SLC36A1: variants seen among roughly 807,000 people sequenced by gnomAD.
SLC36A1 encodes proton-coupled amino acid transporter 1.
In SLC36A1, 30 loss-of-function variants were observed where a neutral mutation model predicts 47.5. That is an observed-to-expected ratio of 0.63 (90% CI 0.47 to 0.86). The LOEUF (loss-of-function observed/expected upper bound fraction) is 0.86. SLC36A1 is among the 40% of genes least tolerant of loss of function. The pLI, the probability that SLC36A1 is intolerant of heterozygous loss-of-function variation, is 0.00. For missense variants in SLC36A1, 517 were observed against 606.0 expected (o/e 0.85, Z 1.54); for synonymous variants, 255 against 249.7 (o/e 1.02, Z -0.20).
intron 1 of SLC36A1, among the ~76,000 whole-genome samples, chr5:151,458,557 C>T (rs17112008): frequency 6.6e-6 from 1 of 151,748 alleles, no homozygotes; most frequent in Non-Finnish European, 1.5e-5. Flanking sequence ...TGTAGCACCA[C>T]GTATACCAAT....
At chr5:151,544,975 ACC>A in the SLC36A1 span, 28 of 1,613,986 alleles carry the variant, frequency 1.7e-5, no homozygotes, top group Non-Finnish European at 2.3e-5. Context: ...ACCCTGAGCC[ACC>A]CGCTGAGGTG....
At chr5:151,510,306 C>A in the SLC36A1 span, 1 of 1,058,246 alleles carries the variant, frequency 9.4e-7, no homozygotes, top group Non-Finnish European at 1.4e-6. Context: ...CCTCTGTGCC[C>A]AATACCGTGC....
At chr5:151,383,608 T>C in the SLC36A1 span, among the ~76,000 whole-genome samples, 19 of 145,646 alleles carry the variant, frequency 1.3e-4, no homozygotes, top group Admixed American at 4.8e-4. Flanking sequence ...AGACTCGCTC[T>C]GTCGCCCAGA....
At chr5:151,534,167 G>A in the SLC36A1 span, among the ~76,000 whole-genome samples, 2 of 152,202 alleles carry the variant, frequency 1.3e-5, no homozygotes, top group South Asian at 4.1e-4. Context: ...GGTCTAAGTG[G>A]AAGGGGAGAA....
At chr5:151,521,832 A>G in the SLC36A1 span, 2 of 1,614,144 alleles carry the variant, frequency 1.2e-6, no homozygotes, top group East Asian at 2.2e-5. Flanking sequence ...GGGCGGCGAT[A>G]ATCTTGCCAT....
chr5:151,480,247 T>A, intron 10 of SLC36A1: 1 of 464,362 alleles, frequency 2.2e-6, no homozygotes, highest in Non-Finnish European at 3.7e-6. Flanking sequence ...ATTCAAATGC[T>A]TAAAAGCATA....
At chr5:151,424,220 A>G in the SLC36A1 span, among the ~76,000 whole-genome samples, 2 of 152,202 alleles carry the variant, frequency 1.3e-5, no homozygotes, top group Non-Finnish European at 2.9e-5. Context: ...TGGACAGGAC[A>G]TGGGTTTGAA....
upstream of SLC36A1, among the ~76,000 whole-genome samples, chr5:151,432,256 C>T (rs1257624617): frequency 2.0e-5 from 3 of 152,106 alleles, no homozygotes; most frequent in South Asian, 6.2e-4. Context: ...TGATAAAGCA[C>T]TTTGAAGGAA....
the SLC36A1 span, among the ~76,000 whole-genome samples, chr5:151,399,479 T>C: frequency 0.43 from 64,577 of 151,944 alleles, 14,115 homozygotes; most frequent in African/African-American, 0.54. Context: ...TTAAATACTT[T>C]GTTCTTTTTG....
chr5:151,453,559 C>T (rs1753994645), intron 1 of SLC36A1, among the ~76,000 whole-genome samples: 1 of 151,722 alleles, frequency 6.6e-6, no homozygotes, highest in African/African-American at 2.4e-5. Flanking sequence ...TTGAACAAAC[C>T]CAGTCACTAA....
chr5:151,465,146 C>T lies in SLC36A1; in HGVS notation c.396C>T (p.Leu132=), dbSNP rs372343811. ...YGLESSPCSW[L]RNHAHWGRRV... ...TAGAATCCAGCCCCTGCTCCTGGCT[C>T]CGGAACCACGCACACTGGGGAAGGT... Residue 132 remains leucine (L), a synonymous_variant, in exon 5 of 11, where the codon CTC becomes CTT. Transcript: ENST00000243389. 4 of 1,614,130 alleles carry T rather than the reference C, an allele frequency of 2.5e-6. No homozygotes were observed. In the South Asian group the frequency reaches 3.3e-5, roughly 13 times the overall value.
chr5:151,485,079 A>G (rs1038898089), intron 10 of SLC36A1, among the ~76,000 whole-genome samples: 4 of 152,172 alleles, frequency 2.6e-5, no homozygotes, highest in Admixed American at 1.3e-4. Flanking sequence ...TTTTGTCATC[A>G]GCCTACAATT....
chr5:151,454,869 C>T (rs529348358), intron 1 of SLC36A1, among the ~76,000 whole-genome samples: 7 of 152,114 alleles, frequency 4.6e-5, no homozygotes, highest in Admixed American at 2.6e-4. Context: ...CCCGCTACCA[C>T]GCCCGGCTAA....
chr5:151,448,913 TTTTG>T (rs945607157), intron 1 of SLC36A1, among the ~76,000 whole-genome samples: 2 of 152,276 alleles, frequency 1.3e-5, no homozygotes, highest in African/African-American at 2.4e-5. Flanking sequence ...AGGCTTGTTT[TTTTG>T]TTTGTTTGTT....
chr5:151,476,619 T>A lies in SLC36A1; in HGVS notation c.852T>A (p.Asp284Glu). Residue 284 changes from aspartate to glutamate, a missense_variant, in exon 9 of 11, where the codon GAT (aspartate) becomes GAA (glutamate). By Grantham distance (45) the Asp-to-Glu change is conservative. Coordinates refer to ENST00000243389, the MANE Select transcript of SLC36A1 (RefSeq NM_078483.4). ...MVLPLENKMK[D>E]PRKFPLILYL... ...TGCCCCTGGAAAACAAAATGAAGGA[T>A]CCTCGGAAGTTCCCACTCATCCTGT... is the stretch of plus-strand genomic sequence containing the variant. 6.2e-7 allele frequency: 1 copy of A among 1,602,060 alleles called. No individual in the cohort carries two copies. Among genetic ancestry groups the A allele is most frequent in the Non-Finnish European group, 8.5e-7 (1 of 1,174,380 alleles).
chr5:151,478,202 C>A (rs537394587), intron 9 of SLC36A1, among the ~76,000 whole-genome samples: 1 of 152,290 alleles, frequency 6.6e-6, no homozygotes, highest in South Asian at 2.1e-4. Context: ...TATACACAGT[C>A]TGTATTAGCA....
chr5:151,529,380 A>G, the SLC36A1 span: 1 of 1,613,766 alleles, frequency 6.2e-7, no homozygotes, highest in East Asian at 2.2e-5. Flanking sequence ...GCTTGCGTTG[A>G]CATACAGGAT....
At chr5:151,363,178 G>A in the SLC36A1 span, among the ~76,000 whole-genome samples, 1 of 152,158 alleles carries the variant, frequency 6.6e-6, no homozygotes. Context: ...GTTTGCCTTG[G>A]CTGCCTGTCC....
At chr5:151,453,851 T>A (rs972733394) in intron 1 of SLC36A1, among the ~76,000 whole-genome samples, 1 of 151,808 alleles carries the variant, frequency 6.6e-6, no homozygotes, top group East Asian at 1.9e-4. Context: ...TACAAATTTT[T>A]ATTTTTAAAA....
Sources: gnomAD v4.1 joint callset for allele counts (sites outside exome capture counted in the v4.1 genomes callset) on GRCh38, gnomAD v4.1.1 for gene constraint, MANE v1.5 for transcripts, NCBI Gene and HGNC (gene_info 2026-07-23, HGNC 2026-07-21) for gene names.